Variants in HEATR5A observed in about 807,000 individuals in gnomAD.
The protein encoded by HEATR5A is HEAT repeat containing 5A.
Under a neutral mutation model 218.8 loss-of-function variants are expected in HEATR5A, and 178 were observed. The ratio of observed to expected loss-of-function variants is 0.81; its 90% CI spans 0.72 to 0.92. The LOEUF is 0.92. Among genes scored for constraint, HEATR5A ranks in the 40% least tolerant of loss-of-function variants. The probability of loss-of-function intolerance (pLI) is 0.00; values close to 1 mark genes in which losing one functional copy is unlikely to be tolerated. For missense variants in HEATR5A, 2,420 were observed against 2,418.9 expected (o/e 1.00, Z -0.01); for synonymous variants, 864 against 871.6 (o/e 0.99, Z 0.15).
At chr14:31,367,231 G>A (rs983981471) in intron 13 of HEATR5A, among the ~76,000 whole-genome samples, 1 of 152,020 alleles carries the variant, frequency 6.6e-6, no homozygotes, top group African/African-American at 2.4e-5. Context: ...GAACCTCGGA[G>A]TAAATTTTTT....
rs770032788 is a variant in HEATR5A, at chr14:31,345,146, T to C, written c.2999A>G (p.His1000Arg). ...LNVPPTHAEV[H>R]QSLGRCLNAL... ...ATTCAAACAGCGACCAAGGCTTTGG[T>C]GAACTTCAGCATGAGTAGGAGGCAC... Residue 1000 changes from histidine (H) to arginine (R), a missense_variant, in exon 20 of 36, where the codon CAC becomes CGC. Physicochemically the swap from His to Arg is conservative, Grantham distance 29. Coordinates refer to ENST00000543095, the MANE Select transcript of HEATR5A (RefSeq NM_015473.4). 6.2e-7 allele frequency: 1 copy of C among 1,613,918 alleles called. No homozygotes were observed. Among genetic ancestry groups the C allele is most frequent in the Admixed American group, 1.7e-5 (1 of 60,012 alleles).
chr14:31,358,348 TTGTAA>T (rs746969984), intron 16 of HEATR5A, among the ~76,000 whole-genome samples: 52 of 152,318 alleles, frequency 3.4e-4, no homozygotes, highest in African/African-American at 1.2e-3. Context: ...GTATGTGTCT[TTGTAA>T]TGACTGCTCA....
At chr14:31,336,212 A>G (rs1342941516) in intron 22 of HEATR5A, among the ~76,000 whole-genome samples, 1 of 5,440 alleles carries the variant, frequency 1.8e-4, no homozygotes, top group Non-Finnish European at 7.6e-4. Context: ...ATATATACAT[A>G]CATACATATA....
In HEATR5A at chr14:31,410,410, T is replaced by C. The variant is rs577378250; in HGVS notation, c.-74-7361A>G. On this transcript the variant is annotated intron_variant, in intron 1 of 35. Coordinates refer to ENST00000543095, the MANE Select transcript of HEATR5A (RefSeq NM_015473.4). ...AATTAGCTTTCATCTAGAAGGAAGC[T>C]AGATTATTCTACCCTGACCTCAGAT... 3.9e-5 allele frequency among the ~76,000 whole-genome samples: 6 copies of C among 152,328 alleles called. No homozygotes were observed. The South Asian group carries it at 1.0e-3, about 26-fold the overall frequency.
intron 20 of HEATR5A, 46 bp from the exon 21 acceptor site, chr14:31,344,111 A>G (rs776855229): frequency 7.7e-6 from 9 of 1,163,336 alleles, no homozygotes; most frequent in Admixed American, 3.4e-5. Flanking sequence ...CTATAAAAAC[A>G]TTACTCTTTA....
At chr14:31,298,701 T>C (rs1212895224) in intron 33 of HEATR5A, among the ~76,000 whole-genome samples, 5 of 152,178 alleles carry the variant, frequency 3.3e-5, no homozygotes, top group Non-Finnish European at 7.3e-5. Flanking sequence ...TAAATTTTAT[T>C]CCTTCTGCCT....
At chr14:31,396,435 C>T (rs1033306411) in intron 4 of HEATR5A, among the ~76,000 whole-genome samples, 1 of 151,600 alleles carries the variant, frequency 6.6e-6, no homozygotes, top group Admixed American at 6.6e-5. Flanking sequence ...CAGAGCCAGA[C>T]CCTGTCTTTA....
intron 13 of HEATR5A, among the ~76,000 whole-genome samples, chr14:31,367,872 T>C (rs1901864640): frequency 6.6e-6 from 1 of 152,092 alleles, no homozygotes. Flanking sequence ...AGCACAGGCA[T>C]AGATCATGCA....
chr14:31,354,102 AT>A (rs553004178), intron 16 of HEATR5A, among the ~76,000 whole-genome samples: 7,492 of 145,278 alleles, frequency 0.052, 348 homozygotes, highest in African/African-American at 0.13. Flanking sequence ...CCTGGCCGGC[AT>A]TTTTTTTTTT....
rs1329457309 is a variant in HEATR5A, at chr14:31,350,635, AAAC to A, written c.2491_2493del (p.Val831del). 1 of 1,591,532 alleles carries A rather than the reference AAAC, an allele frequency of 6.3e-7. No individual in the cohort carries two copies. The highest frequency in any genetic ancestry group is 1.7e-5 in the Admixed American group (1 of 57,738). The stretch of plus-strand genomic sequence containing the variant: ...ACCTTCAAGAAACTAGAAACTGAAG[AAAC>A]AACATGTAACTGAACCACTTGCTGA... On this transcript the variant is annotated inframe_deletion, in exon 17 of 36. Coordinates refer to ENST00000543095, the MANE Select transcript of HEATR5A (RefSeq NM_015473.4).
At position 31,296,303 on chromosome 14, in the gene HEATR5A, A is replaced by G. The variant is rs900073042; in HGVS notation, c.5465-240T>C. 115 of 369,010 alleles carry G rather than the reference A, an allele frequency of 3.1e-4. 3 individuals carry two copies. In the East Asian group the frequency reaches 5.2e-3, roughly 17 times the overall value. The allele number at this position is 369,010 out of a possible 1,614,324, so 22.9% of individuals were successfully genotyped here. A position where few individuals can be genotyped will look rare whatever the true frequency, so the allele number is the denominator to read the frequency against. ...AAGACATCAGTAAATAAATACATAC[A>G]TTTACTAGGAATACATATTTATTAG... On this transcript the variant is annotated intron_variant, in intron 33 of 35. Transcript: ENST00000543095.
At position 31,400,378 on chromosome 14, in the gene HEATR5A, G is replaced by A. The variant is rs1178604873; in HGVS notation, c.261C>T (p.Ser87=). The change falls in exon 3 of 36, where the codon TCC becomes TCT. Residue 87 remains serine (S), a synonymous_variant. Coordinates refer to ENST00000543095, the MANE Select transcript of HEATR5A (RefSeq NM_015473.4). ...TACATTTATCGATTGCTTCATGAAC[G>A]GAGAATGTGTCTCCAATACTATAAA... ...AILYSIGDTF[S]VHEAIDKCND... is the part of the protein sequence containing the mutation. The A allele has an allele frequency of 1.8e-5, 28 of 1,535,596 alleles. No individual in the cohort carries two copies. The highest frequency in any genetic ancestry group is 4.1e-5 in the African/African-American group (3 of 72,990).
At chr14:31,330,846 C>T (rs548563905) in intron 22 of HEATR5A, among the ~76,000 whole-genome samples, 28 of 151,748 alleles carry the variant, frequency 1.8e-4, no homozygotes, top group African/African-American at 4.1e-4. Flanking sequence ...TTCTGCAGTG[C>T]GCTTGAATTT....
At chr14:31,395,764 T>C (rs2030630089) in intron 4 of HEATR5A, among the ~76,000 whole-genome samples, 2 of 152,138 alleles carry the variant, frequency 1.3e-5, no homozygotes, top group East Asian at 3.8e-4. Context: ...CATAGGCTGT[T>C]GTAAGGAATA....
In HEATR5A at chr14:31,395,339, G is replaced by A. The variant is rs892082609; in HGVS notation, c.457C>T (p.Arg153Ter). ...KAMKSAESQGRYEIMLSLQNI... is the reference protein window; with the variant it reads ...KAMKSAESQG ...TGCAGACTTAGCATAATCTCATATC[G>A]GCCTTGAGACTTCCAAAAAGAAAAA... The change falls in exon 5 of 36, where the codon CGA (arginine) becomes TGA (stop). Residue 153 changes from arginine to a stop codon, truncating the protein, a stop_gained. Coordinates refer to ENST00000543095, the MANE Select transcript of HEATR5A (RefSeq NM_015473.4). LOFTEE classifies it high-confidence loss of function. 6.7e-6 allele frequency: 10 copies of A among 1,501,088 alleles called. No homozygotes were observed. The highest frequency in any genetic ancestry group is 8.9e-6 in the Non-Finnish European group (10 of 1,127,010). 93.0% of individuals were successfully genotyped at this position (1,501,088 alleles called of 1,614,324 possible).
In HEATR5A at chr14:31,395,257, T is replaced by G; in HGVS notation, c.539A>C (p.Lys180Thr). 1 of 1,534,304 alleles carries G rather than the reference T, an allele frequency of 6.5e-7. No homozygotes were observed. Among genetic ancestry groups the G allele is most frequent in the Non-Finnish European group, 8.7e-7 (1 of 1,145,350 alleles). The change falls in exon 5 of 36, where the codon AAA becomes ACA. Residue 180 changes from lysine (K) to threonine (T), a missense_variant. Physicochemically the swap from Lys to Thr is moderately conservative, Grantham distance 78 (BLOSUM62 -1). Coordinates refer to ENST00000543095, the MANE Select transcript of HEATR5A (RefSeq NM_015473.4). ...ATCTGTCAAGCAGGATCTAGCAGCT[T>G]TATAAACATCCCTGTGACAAGGTGC... ...AAAPCHRDVY[K>T]AARSCLTDRS...
intron 1 of HEATR5A, among the ~76,000 whole-genome samples, chr14:31,414,884 C>T (rs912475482): frequency 6.6e-6 from 1 of 152,050 alleles, no homozygotes; most frequent in Non-Finnish European, 1.5e-5. Flanking sequence ...TCTGTCGCCC[C>T]AGCTGGAGAG....
At chr14:31,406,263 CCTA>C (rs1175627657) in intron 1 of HEATR5A, among the ~76,000 whole-genome samples, 5 of 152,098 alleles carry the variant, frequency 3.3e-5, no homozygotes, top group Non-Finnish European at 5.9e-5. Context: ...AAGGTGATTT[CCTA>C]CAAGTAAACA....
chr14:31,382,412 T>G (rs1232476014), intron 10 of HEATR5A, among the ~76,000 whole-genome samples: 1 of 152,066 alleles, frequency 6.6e-6, no homozygotes, highest in East Asian at 1.9e-4. Context: ...GACACAGGAG[T>G]GGCAATGAGA....
Sources: allele counts gnomAD v4.1 joint callset (sites outside exome capture counted in the v4.1 genomes callset), GRCh38; gene constraint gnomAD v4.1.1; transcripts MANE v1.5; gene names NCBI Gene and HGNC (gene_info 2026-07-23, HGNC 2026-07-21).